Variants in PIK3R6 observed in about 807,000 individuals in gnomAD.
PIK3R6 encodes the protein phosphoinositide-3-kinase regulatory subunit 6, also known as phosphoinositide 3-kinase regulatory subunit 6.
In PIK3R6, 91 loss-of-function variants were observed where a neutral mutation model predicts 84.9. The observed-to-expected ratio is 1.07, with a 90% CI of 0.90 to 1.28. The LOEUF (loss-of-function observed/expected upper bound fraction) is 1.28, where lower values mean the gene tolerates loss of function less well. PIK3R6 is among the 50% of genes most tolerant of loss of function. PIK3R6 has a pLI of 0.00. For synonymous variants in PIK3R6, 416 were observed against 411.4 expected, an observed-to-expected ratio of 1.01 and a Z score of -0.13; for missense variants, 996 against 985.1, an observed-to-expected ratio of 1.01 and a Z score of -0.15.
At position 8,836,558 on chromosome 17, in the gene PIK3R6, G is replaced by A. The variant is rs779252957; in HGVS notation, c.450C>T (p.Pro150=). 2 of 1,613,974 alleles carry A rather than the reference G, an allele frequency of 1.2e-6. No individual in the cohort carries two copies. The highest frequency in any genetic ancestry group is 3.3e-5 in the Admixed American group (2 of 60,024). The change falls in exon 7 of 20, where the codon CCC becomes CCT. Residue 150 remains proline (P), a synonymous_variant. Transcript: ENST00000619866. ...AEQNLTNELY[P]YQERVFLFVD... The stretch of plus-strand genomic sequence containing the variant: ...CTGGGGCCACTCACCTCTCCTGGTA[G>A]GGATACAGCTCATTCGTCAAGTTCT...
intron 4 of PIK3R6, 167 bp downstream of exon 4, chr17:8,838,397 A>G: frequency 1.7e-6 from 1 of 585,900 alleles, no homozygotes; most frequent in South Asian, 2.2e-5. Context: ...GAGTCGACGT[A>G]AAGAAAATAC....
At chr17:8,865,790 C>T (rs914449369) in intron 1 of PIK3R6, among the ~76,000 whole-genome samples, 1 of 151,656 alleles carries the variant, frequency 6.6e-6, no homozygotes, top group African/African-American at 2.4e-5. Context: ...CCCTGGCTGG[C>T]CCCCGTGGAC....
In PIK3R6 at chr17:8,839,381, G is replaced by T. The variant is rs929284881; in HGVS notation, c.97+233C>A. ...AAGAAAAAAAAAAGGAAAGAAAAAG[G>T]GTGGCAGATCCCCAATGTGCTCTGT... On this transcript the variant is annotated intron_variant, in intron 3 of 19. Transcript: ENST00000619866. The surrounding 1 kb of genome is among the most constrained non-coding windows in gnomAD (Gnocchi z 4.2). Among the ~76,000 whole-genome samples, 6 of 152,038 alleles carry T rather than the reference G, an allele frequency of 3.9e-5. No individual in the cohort carries two copies.
intron 14 of PIK3R6, 48 bp downstream of exon 14, chr17:8,823,339 A>T: frequency 7.2e-7 from 1 of 1,381,956 alleles, no homozygotes; most frequent in Non-Finnish European, 1.0e-6. Context: ...CTGGGTATTT[A>T]ATCGGTGGGG....
At chr17:8,850,001 G>A (rs1346258657) in intron 1 of PIK3R6, 116 bp from the exon 2 acceptor site, 1 of 512,588 alleles carries the variant, frequency 2.0e-6, no homozygotes, top group Non-Finnish European at 3.3e-6. Context: ...GGGAAGTCTA[G>A]ATGTATTTAA....
At chr17:8,856,199 A>G (rs1159423534) in intron 1 of PIK3R6, among the ~76,000 whole-genome samples, 1 of 152,270 alleles carries the variant, frequency 6.6e-6, no homozygotes, top group African/African-American at 2.4e-5. Flanking sequence ...TAATTCTGAG[A>G]TAACTGTAAA....
chr17:8,853,435 A>T (rs1443734284), intron 1 of PIK3R6, among the ~76,000 whole-genome samples: 1 of 148,442 alleles, frequency 6.7e-6, no homozygotes, highest in Non-Finnish European at 1.5e-5. Flanking sequence ...CAGTGAGCCG[A>T]GATTGTGCCA....
chr17:8,827,123 C>A (rs772292110), intron 13 of PIK3R6, 49 bp downstream of exon 13: 3 of 1,597,274 alleles, frequency 1.9e-6, no homozygotes, highest in South Asian at 1.1e-5. Flanking sequence ...TCTGCCCAGA[C>A]CCCACTCCCG....
At chr17:8,812,693 A>T (rs2087394044) in intron 18 of PIK3R6, among the ~76,000 whole-genome samples, 1 of 152,206 alleles carries the variant, frequency 6.6e-6, no homozygotes, top group Admixed American at 6.5e-5. Context: ...AAATAAAAAA[A>T]TTTTTGAAAT....
chr17:8,853,628 G>T (rs2089041405), intron 1 of PIK3R6, among the ~76,000 whole-genome samples: 1 of 151,964 alleles, frequency 6.6e-6, no homozygotes, highest in East Asian at 1.9e-4. Flanking sequence ...TAAATGGAGA[G>T]AAATACTGTG....
chr17:8,855,139 G>C (rs1218517935), intron 1 of PIK3R6, among the ~76,000 whole-genome samples: 1 of 152,088 alleles, frequency 6.6e-6, no homozygotes, highest in Non-Finnish European at 1.5e-5. Flanking sequence ...GTTGTAGTGA[G>C]CTGAGATCGT....
chr17:8,853,259 G>A (rs1431694237), intron 1 of PIK3R6, among the ~76,000 whole-genome samples: 3 of 151,706 alleles, frequency 2.0e-5, no homozygotes, highest in South Asian at 2.1e-4. Flanking sequence ...GCCGAGGGGG[G>A]CAGATCACAG....
Position 8,829,050 on chromosome 17 carries a change from T to C in PIK3R6, c.890-60A>G, listed in dbSNP as rs549049754. The C allele has an allele frequency of 5.6e-4, 801 of 1,428,152 alleles. 1 individual carries two copies. The African/African-American group carries it at 0.01, about 19-fold the overall frequency. 88.5% of individuals were successfully genotyped at this position (1,428,152 alleles called of 1,614,324 possible). A position where few individuals can be genotyped will look rare whatever the true frequency, so the allele number is the denominator to read the frequency against. The stretch of plus-strand genomic sequence containing the variant: ...GAGGCTGGCAGGGCTACGTTTCTGA[T>C]TTCAGCCAGTCCTCTTCAGAGGATA... On this transcript the variant is annotated intron_variant, in intron 10 of 19. Coordinates refer to ENST00000619866, the MANE Select transcript of PIK3R6 (RefSeq NM_001010855.4).
At chr17:8,863,325 A>C (rs1320917084) in intron 1 of PIK3R6, among the ~76,000 whole-genome samples, 1 of 152,186 alleles carries the variant, frequency 6.6e-6, no homozygotes, top group East Asian at 1.9e-4. Context: ...AATAAGGCTA[A>C]TTAACATATC....
At chr17:8,856,640 G>C (rs562094104) in intron 1 of PIK3R6, among the ~76,000 whole-genome samples, 1 of 152,050 alleles carries the variant, frequency 6.6e-6, no homozygotes, top group Non-Finnish European at 1.5e-5. Context: ...TGTTGATGTC[G>C]ATACATTTTA....
chr17:8,829,301 C>G (rs2088096140), intron 10 of PIK3R6, among the ~76,000 whole-genome samples: 1 of 145,590 alleles, frequency 6.9e-6, no homozygotes, highest in African/African-American at 2.6e-5. Flanking sequence ...TGCATACACA[C>G]ACACTGACAC....
chr17:8,812,515 C>T (rs1052364066), intron 18 of PIK3R6, among the ~76,000 whole-genome samples: 5 of 152,148 alleles, frequency 3.3e-5, no homozygotes. Flanking sequence ...CAAGGTGAGT[C>T]TCAATAAATT....
chr17:8,826,439 A>G (rs2087920494), intron 13 of PIK3R6, among the ~76,000 whole-genome samples: 1 of 152,192 alleles, frequency 6.6e-6, no homozygotes, highest in Admixed American at 6.5e-5. Context: ...ATGGAATACT[A>G]TGCAGCCATA....
At chr17:8,852,738 CAA>C (rs34620144) in intron 1 of PIK3R6, among the ~76,000 whole-genome samples, 15 of 101,850 alleles carry the variant, frequency 1.5e-4, no homozygotes, top group Admixed American at 2.1e-4. Flanking sequence ...GACTCTGTCT[CAA>C]AAAAAAAAAA....
Sources: gnomAD v4.1 joint callset for allele counts (sites outside exome capture counted in the v4.1 genomes callset) on GRCh38, gnomAD v4.1.1 for gene constraint, Gnocchi (gnomAD v3.1) non-coding constraint, MANE v1.5 for transcripts, NCBI Gene and HGNC (gene_info 2026-07-23, HGNC 2026-07-21) for gene names.